RFX3: variants seen among roughly 807,000 people sequenced by gnomAD.
The protein encoded by RFX3 is transcription factor RFX3.
Under a neutral mutation model 98.6 loss-of-function variants are expected in RFX3, and 14 were observed. The ratio of observed to expected loss-of-function variants is 0.14; its 90% confidence interval spans 0.09 to 0.22. The LOEUF is 0.22. Ranked by LOEUF, RFX3 falls within the 10% of genes least tolerant of loss-of-function variation. The pLI, the probability that RFX3 is intolerant of heterozygous loss-of-function variation, is 1.00. For missense variants in RFX3, 639 were observed against 926.9 expected (o/e 0.69, Z 4.03); for synonymous variants, 383 against 328.4 (o/e 1.17, Z -1.80).
At chr9:3,230,317 T>C (rs10970842) in intron 15 of RFX3, among the ~76,000 whole-genome samples, 1 of 152,328 alleles carries the variant, frequency 6.6e-6, no homozygotes, top group Admixed American at 6.5e-5. Context: ...TAATTATTAG[T>C]ATGTTTATTT....
At chr9:3,263,152 ATCT>A (rs1823144410) in intron 12 of RFX3, 68 bp from the exon 13 acceptor site, 1 of 1,539,330 alleles carries the variant, frequency 6.5e-7, no homozygotes, top group Non-Finnish European at 8.9e-7. Context: ...CAATTTTCAA[ATCT>A]TCTTTCCCTT....
intron 3 of RFX3, chr9:3,344,938 A>T (rs1834288260): frequency 2.8e-5 from 19 of 672,254 alleles, no homozygotes. Context: ...ATATGTAAAG[A>T]GGTATAGATT....
At chr9:3,288,520 A>G (rs1826933273) in intron 6 of RFX3, among the ~76,000 whole-genome samples, 1 of 152,080 alleles carries the variant, frequency 6.6e-6, no homozygotes, top group Non-Finnish European at 1.5e-5. Flanking sequence ...CAAACAGTCC[A>G]TTTGTTCCAT....
intron 7 of RFX3, among the ~76,000 whole-genome samples, chr9:3,286,853 C>T (rs1378893509): frequency 2.0e-5 from 3 of 151,828 alleles, no homozygotes; most frequent in Non-Finnish European, 4.4e-5. Context: ...TGGACTTCAC[C>T]GCTAGGTGAA....
chr9:3,277,937 A>T (rs1023732988), intron 7 of RFX3, among the ~76,000 whole-genome samples: 1 of 151,980 alleles, frequency 6.6e-6, no homozygotes, highest in Non-Finnish European at 1.5e-5. Flanking sequence ...TGTTTTTCAT[A>T]TCTCCTAGAA....
intron 4 of RFX3, among the ~76,000 whole-genome samples, chr9:3,310,882 C>G (rs1205368818): frequency 6.6e-6 from 1 of 152,042 alleles, no homozygotes; most frequent in Non-Finnish European, 1.5e-5. Flanking sequence ...GAGTGAGTGG[C>G]TTATAAAATC....
intron 3 of RFX3, 120 bp downstream of exon 3, chr9:3,346,547 G>A: frequency 4.7e-6 from 3 of 642,486 alleles, no homozygotes; most frequent in Non-Finnish European, 8.4e-6. Context: ...TTCAATAACT[G>A]TTCTAGTAGA....
At chr9:3,325,067 C>T (rs1390385361) in intron 4 of RFX3, among the ~76,000 whole-genome samples, 4 of 152,092 alleles carry the variant, frequency 2.6e-5, no homozygotes, top group Non-Finnish European at 1.5e-5. Context: ...GACTCATGTA[C>T]TTTCTTATAT....
At chr9:3,460,521 C>T (rs1023238342) in intron 1 of RFX3, among the ~76,000 whole-genome samples, 4 of 151,794 alleles carry the variant, frequency 2.6e-5, no homozygotes, top group African/African-American at 9.7e-5. Context: ...TAAGATAAAC[C>T]AACATTTTAA....
chr9:3,452,099 T>G (rs1356673372), intron 1 of RFX3, among the ~76,000 whole-genome samples: 1 of 151,002 alleles, frequency 6.6e-6, no homozygotes, highest in Non-Finnish European at 1.5e-5. Flanking sequence ...AAGACAAACC[T>G]GCTGCAAGGG....
At chr9:3,311,652 AG>A (rs908109471) in intron 4 of RFX3, among the ~76,000 whole-genome samples, 47 of 152,354 alleles carry the variant, frequency 3.1e-4, no homozygotes, top group African/African-American at 1.1e-3. Context: ...TGGGAGGCCA[AG>A]ACAGGTGGAT....
In RFX3 at chr9:3,397,371, A is replaced by C. The variant is rs1841003404; in HGVS notation, c.-8-1775T>G. The stretch of plus-strand genomic sequence containing the variant: ...CTGCATCATAGTTTAAATCTATATG[A>C]AATACAGTGAACATTAATTTTTAAC... On this transcript the variant is annotated intron_variant, in intron 1 of 16. Transcript: ENST00000617270. Among the ~76,000 whole-genome samples the C allele has an allele frequency of 2.0e-5, 3 of 152,380 alleles. 1 individual carries two copies. In the South Asian group the frequency reaches 6.2e-4, roughly 32 times the overall value.
intron 2 of RFX3, among the ~76,000 whole-genome samples, chr9:3,394,396 G>C (rs1391954003): frequency 6.6e-6 from 1 of 152,218 alleles, no homozygotes; most frequent in Non-Finnish European, 1.5e-5. Flanking sequence ...CCGGGAGGCA[G>C]AGCTTGCGGT....
chr9:3,438,857 C>T (rs746237856), intron 1 of RFX3, among the ~76,000 whole-genome samples: 1 of 151,840 alleles, frequency 6.6e-6, no homozygotes, highest in African/African-American at 2.4e-5. Flanking sequence ...AATGATTATG[C>T]ACCAAATAAC....
chr9:3,234,918 T>C (rs528767952), intron 15 of RFX3, among the ~76,000 whole-genome samples: 1 of 152,180 alleles, frequency 6.6e-6, no homozygotes, highest in Non-Finnish European at 1.5e-5. Flanking sequence ...CTCATGCATA[T>C]GGGCATCAAC....
In RFX3 at chr9:3,280,451, A is replaced by T. The variant is rs1022600444; in HGVS notation, c.852-2990T>A. Among the ~76,000 whole-genome samples, 4 of 151,760 alleles carry T rather than the reference A, an allele frequency of 2.6e-5. No individual in the cohort carries two copies. In the Admixed American group the frequency reaches 2.6e-4, roughly 10 times the overall value. ...TTAGAAAAAATCCCCAGAAATCAGA[A>T]ATACTGGACTGAGAAAGCCTAGATC... On this transcript the variant is annotated intron_variant, in intron 7 of 16. Transcript: ENST00000617270.
intron 3 of RFX3, 53 bp downstream of exon 3, chr9:3,346,614 C>T (rs1834466624): frequency 8.8e-7 from 1 of 1,139,972 alleles, no homozygotes; most frequent in Non-Finnish European, 1.3e-6. Context: ...TTCAAAAGTA[C>T]ATTATTTTTC....
chr9:3,377,955 G>T (rs1418035630), intron 2 of RFX3, among the ~76,000 whole-genome samples: 5 of 152,068 alleles, frequency 3.3e-5, no homozygotes, highest in Admixed American at 3.3e-4. Flanking sequence ...TTATATACAT[G>T]TTCTAGTGTA....
rs578169209 is a variant in RFX3 at position 3,219,438 on chromosome 9, T to C, written c.*5604A>G. The C allele has an allele frequency of 4.1e-5, 6 of 145,594 alleles. No individual in the cohort carries two copies. The East Asian group carries it at 1.2e-3, about 29-fold the overall frequency. The allele number at this position is 145,594 out of a possible 1,614,324, so 9.0% of individuals were successfully genotyped here. ...TTACTCAGGGCTTCCAATCCCAACA[T>C]CATAATTTATTTAAAAAAAAAAAAC... On this transcript the variant is annotated 3_prime_UTR_variant, in exon 17 of 17. Coordinates refer to ENST00000617270, the MANE Select transcript of RFX3 (RefSeq NM_001282116.2).
Sources: gnomAD v4.1 joint callset for allele counts (sites outside exome capture counted in the v4.1 genomes callset) on GRCh38, gnomAD v4.1.1 for gene constraint, MANE v1.5 for transcripts, NCBI Gene and HGNC (gene_info 2026-07-23, HGNC 2026-07-21) for gene names.